Variants in STK39 observed in about 807,000 individuals in gnomAD.
STK39 encodes the protein serine/threonine kinase 39, also known as STE20/SPS1-related proline-alanine-rich protein kinase.
STK39 carries 20 observed loss-of-function variants against 77.8 expected under a neutral mutation model. That is an observed-to-expected ratio of 0.26 (90% CI 0.18 to 0.37). STK39 has a LOEUF of 0.37. Ranked by LOEUF, STK39 falls within the 10% of genes least tolerant of loss-of-function variation. The pLI is 1.00. For synonymous variants in STK39, 246 were observed against 234.1 expected, an observed-to-expected ratio of 1.05 and a Z score of -0.47; for missense variants, 479 against 656.5, an observed-to-expected ratio of 0.73 and a Z score of 2.95.
rs183989224 is a variant in STK39, at chr2:168,229,917, A to G, written c.208+17311T>C. Among the ~76,000 whole-genome samples, 254 of 152,312 alleles carry G rather than the reference A, an allele frequency of 1.7e-3. 2 individuals are homozygous for G. The highest frequency in any genetic ancestry group is 5.5e-3 in the African/African-American group (229 of 41,572). ...TTGTTTAGCAAGCGATATACTCCTGAAGCCACTTCTACAGCAAAAATCACT... is the reference window on the plus strand; with the variant it reads ...TTGTTTAGCAAGCGATATACTCCTGGAGCCACTTCTACAGCAAAAATCACT... On this transcript the variant is annotated intron_variant, in intron 1 of 17. Transcript: ENST00000355999.
intron 1 of STK39, among the ~76,000 whole-genome samples, chr2:168,223,931 G>T (rs536508029): frequency 1.3e-5 from 2 of 152,106 alleles, no homozygotes; most frequent in East Asian, 3.9e-4. Context: ...TTTTCTAAAG[G>T]TTGCTCTACC....
At chr2:168,049,830 A>G (rs1685347811) in intron 14 of STK39, among the ~76,000 whole-genome samples, 3 of 152,196 alleles carry the variant, frequency 2.0e-5, no homozygotes, top group Non-Finnish European at 4.4e-5. Context: ...AAATAACCAG[A>G]TGTGTGTAAG....
chr2:168,213,689 T>TAA (rs10706908), intron 1 of STK39, among the ~76,000 whole-genome samples: 84 of 124,218 alleles, frequency 6.8e-4, no homozygotes, highest in African/African-American at 2.2e-3. Context: ...CAGCCATATT[T>TAA]AAAAAAAAAA....
chr2:168,068,278 A>C (rs1685848204), intron 12 of STK39, among the ~76,000 whole-genome samples: 1 of 152,218 alleles, frequency 6.6e-6, no homozygotes. Context: ...ATGGGGATCT[A>C]GGACAGGATA....
At chr2:167,975,169 T>G in intron 16 of STK39, among the ~76,000 whole-genome samples, 1 of 152,196 alleles carries the variant, frequency 6.6e-6, no homozygotes, top group East Asian at 1.9e-4. Context: ...AGTTCTGCAT[T>G]TTATGACTCA....
chr2:168,065,330 G>C lies in STK39; in HGVS notation c.1294C>G (p.His432Asp), dbSNP rs748206003. The change falls in exon 13 of 18, where the codon CAC (histidine) becomes GAC (aspartate). Residue 432 changes from histidine (H) to aspartate (D), a missense_variant. Transcript: ENST00000355999. Reference protein sequence around the residue: ...IPEQIQSLSVHDSQGPPNANE... With the variant: ...IPEQIQSLSVDDSQGPPNANE... ...GCAGAGAAACATACCTGAGAGTCGT[G>C]CACAGAGAGGGACTGTATTTGTTCG... 1 of 1,614,058 alleles carries C rather than the reference G, an allele frequency of 6.2e-7. No homozygotes were observed. The highest frequency in any genetic ancestry group is 8.5e-7 in the Non-Finnish European group (1 of 1,179,938).
At chr2:168,244,933 A>C (rs936232047) in intron 1 of STK39, among the ~76,000 whole-genome samples, 14 of 152,202 alleles carry the variant, frequency 9.2e-5, no homozygotes, top group African/African-American at 3.4e-4. Flanking sequence ...TGCAAACAGA[A>C]AGAAGTCCTG....
Position 168,162,075 on chromosome 2 carries a change from C to T in STK39, c.573-233G>A, listed in dbSNP as rs540114628. On this transcript the variant is annotated intron_variant, in intron 4 of 17. Transcript: ENST00000355999. ...CCAAGGTGGGTGGAGCACCTGAGGT[C>T]AGGAGTTCGAGACCAGCCTGGAAAA... Among the ~76,000 whole-genome samples, 12 of 152,198 alleles carry T rather than the reference C, an allele frequency of 7.9e-5. 1 individual carries two copies. Among genetic ancestry groups the T allele is most frequent in the African/African-American group, 2.9e-4 (12 of 41,536 alleles).
intron 2 of STK39, among the ~76,000 whole-genome samples, chr2:168,170,401 G>A (rs568902898): frequency 2.6e-5 from 4 of 152,146 alleles, no homozygotes; most frequent in East Asian, 3.8e-4. Flanking sequence ...TGATTCTTTC[G>A]ACAGAATGAA....
At chr2:168,089,152 T>G (rs1341015584) in intron 10 of STK39, among the ~76,000 whole-genome samples, 3 of 152,172 alleles carry the variant, frequency 2.0e-5, no homozygotes. Context: ...GCCACAGTTT[T>G]GTGCCTGATT....
intron 1 of STK39, among the ~76,000 whole-genome samples, chr2:168,215,900 A>G (rs1690013593): frequency 6.6e-6 from 1 of 152,120 alleles, no homozygotes; most frequent in Admixed American, 6.5e-5. Context: ...AGTGCACCTC[A>G]CCCTGCTCTC....
intron 16 of STK39, among the ~76,000 whole-genome samples, chr2:167,972,568 C>A (rs1378140587): frequency 1.3e-5 from 2 of 152,132 alleles, no homozygotes; most frequent in Middle Eastern, 6.8e-3. Context: ...GTGGCCTTTA[C>A]CATTTGTTAA....
At chr2:168,076,371 G>C (rs774316798) in intron 10 of STK39, among the ~76,000 whole-genome samples, 10 of 152,196 alleles carry the variant, frequency 6.6e-5, no homozygotes, top group Non-Finnish European at 1.3e-4. Flanking sequence ...TTTGAAGACT[G>C]AAAGACTATG....
chr2:167,998,507 A>G (rs1270597908), intron 16 of STK39, among the ~76,000 whole-genome samples: 1 of 152,232 alleles, frequency 6.6e-6, no homozygotes, highest in Non-Finnish European at 1.5e-5. Flanking sequence ...GAATAAGGCA[A>G]TATTATGAAA....
chr2:168,243,195 A>T (rs180728128), intron 1 of STK39, among the ~76,000 whole-genome samples: 123 of 152,288 alleles, frequency 8.1e-4, no homozygotes, highest in Middle Eastern at 3.4e-3. Flanking sequence ...ATCTATAAAA[A>T]CCAATTCTAA....
chr2:168,237,614 G>A (rs943614781), intron 1 of STK39, among the ~76,000 whole-genome samples: 5 of 152,098 alleles, frequency 3.3e-5, no homozygotes, highest in Non-Finnish European at 5.9e-5. Flanking sequence ...TTTGAGATAC[G>A]TCCCATCAAT....
intron 16 of STK39, among the ~76,000 whole-genome samples, chr2:167,979,153 T>C (rs1170511441): frequency 6.6e-6 from 1 of 152,238 alleles, no homozygotes; most frequent in Non-Finnish European, 1.5e-5. Context: ...TACAAATCTT[T>C]GTATAGATAC....
chr2:168,174,671 C>T (rs1688911783), intron 2 of STK39, among the ~76,000 whole-genome samples: 1 of 151,672 alleles, frequency 6.6e-6, no homozygotes, highest in Non-Finnish European at 1.5e-5. Flanking sequence ...ACTGGGAATA[C>T]TGAAAAAATT....
chr2:168,072,645 T>C (rs1446715946), intron 12 of STK39, among the ~76,000 whole-genome samples: 2 of 152,260 alleles, frequency 1.3e-5, no homozygotes, highest in Non-Finnish European at 2.9e-5. Context: ...GGGCACATAG[T>C]AGGGACATAA....
Sources: gnomAD v4.1 joint callset for allele counts (sites outside exome capture counted in the v4.1 genomes callset) on GRCh38, gnomAD v4.1.1 for gene constraint, MANE v1.5 for transcripts, NCBI Gene and HGNC (gene_info 2026-07-23, HGNC 2026-07-21) for gene names.